TMEM231: variants seen among roughly 807,000 people sequenced by gnomAD.
TMEM231 encodes transmembrane protein 231.
A neutral mutation model predicts 38.5 loss-of-function variants in TMEM231; 40 were observed. The ratio of observed to expected loss-of-function variants is 1.04; its 90% confidence interval spans 0.81 to 1.35. TMEM231 has a LOEUF of 1.35. Ranked by LOEUF, TMEM231 falls within the 40% of genes most tolerant of loss-of-function variation. The pLI is 0.00. For synonymous variants in TMEM231, 199 were observed against 181.7 expected (o/e 1.10, Z -0.77); for missense variants, 420 against 416.9 (o/e 1.01, Z -0.07).
chr16:75,541,133 C>A (rs917418692), intron 6 of TMEM231, among the ~76,000 whole-genome samples: 1 of 151,944 alleles, frequency 6.6e-6, no homozygotes, highest in Non-Finnish European at 1.5e-5. Context: ...CCTGCCTCGG[C>A]ATCCCAAGTA....
At chr16:75,540,262 G>GT in intron 6 of TMEM231, 88 bp from the exon 7 acceptor site, 1 of 1,350,248 alleles carries the variant, frequency 7.4e-7, no homozygotes, top group Non-Finnish European at 1.0e-6. Context: ...GAGGTATCTC[G>GT]AAAGGAGGCA....
intron 5 of TMEM231, 27 bp from the exon 6 acceptor site, chr16:75,541,482 CACGATGG>C: frequency 6.7e-7 from 1 of 1,497,514 alleles, no homozygotes; most frequent in South Asian, 1.2e-5. Context: ...AACCATTAAC[CACGATGG>C]CTGTTTGACT....
chr16:75,544,833 T>C (rs187482388), intron 4 of TMEM231, among the ~76,000 whole-genome samples: 1 of 152,222 alleles, frequency 6.6e-6, no homozygotes, highest in Non-Finnish European at 1.5e-5. Context: ...CCCTTCTAGG[T>C]GTAACTATGC....
chr16:75,544,949 C>CTTCTTTTTTTTTTTTTT (rs2080666559), intron 4 of TMEM231, among the ~76,000 whole-genome samples: 4 of 89,620 alleles, frequency 4.5e-5, no homozygotes, highest in Non-Finnish European at 4.8e-5. Flanking sequence ...TTTTCTTTTT[C>CTTCTTTTTTTTTTTTTT]TTTTTTTTTT....
In TMEM231 at chr16:75,545,506, T is replaced by C. The variant is rs754174079; in HGVS notation, c.439-11A>G. 5 of 1,524,510 alleles carry C rather than the reference T, an allele frequency of 3.3e-6. No homozygotes were observed. The highest frequency in any genetic ancestry group is 1.9e-5 in the Admixed American group (1 of 51,690). The allele number at this position is 1,524,510 out of a possible 1,614,324, so 94.4% of individuals were successfully genotyped here. On this transcript the variant is annotated splice_polypyrimidine_tract_variant and intron_variant, in intron 3 of 6. Coordinates refer to ENST00000258173, the MANE Select transcript of TMEM231 (RefSeq NM_001077418.3). ...GAGGGTCGCCATCCTCTGAAATCAT[T>C]AGAAGGACCAACAATACCAACCGCC...
intron 2 of TMEM231, among the ~76,000 whole-genome samples, chr16:75,547,968 C>T (rs369203213): frequency 6.6e-6 from 1 of 152,134 alleles, no homozygotes; most frequent in Non-Finnish European, 1.5e-5. Context: ...CAGGAGACAA[C>T]TGCCAGAAGA....
intron 6 of TMEM231, among the ~76,000 whole-genome samples, chr16:75,540,497 C>T (rs1014220787): frequency 2.0e-5 from 3 of 152,210 alleles, no homozygotes; most frequent in Admixed American, 6.5e-5. Context: ...ACTTGGAACA[C>T]CCTTAGCCCC....
At chr16:75,547,479 T>G (rs2080706700) in intron 2 of TMEM231, among the ~76,000 whole-genome samples, 1 of 152,212 alleles carries the variant, frequency 6.6e-6, no homozygotes, top group South Asian at 2.1e-4. Flanking sequence ...GGATATCTGC[T>G]ACCAGGGCTG....
chr16:75,542,462 C>T (rs1029999927), intron 5 of TMEM231, 140 bp downstream of exon 5: 32 of 798,016 alleles, frequency 4.0e-5, no homozygotes, highest in Non-Finnish European at 6.8e-5. Context: ...AAATCCTGGA[C>T]AGCATATTTG....
chr16:75,543,461 T>G (rs1394751445), intron 4 of TMEM231, among the ~76,000 whole-genome samples: 1 of 152,022 alleles, frequency 6.6e-6, no homozygotes, highest in Non-Finnish European at 1.5e-5. Context: ...TCCCAGCTAT[T>G]CAGGAGGCTG....
chr16:75,540,035 C>G lies in TMEM231; in HGVS notation c.910G>C (p.Val304Leu). The G allele has an allele frequency of 1.2e-6, 2 of 1,613,594 alleles. No homozygotes were observed. The highest frequency in any genetic ancestry group is 1.7e-6 in the Non-Finnish European group (2 of 1,179,666). ...NQVVTTIPVT[V>L]TPRGDLCKEH... ...TTACACAAGTCTCCCCGGGGCGTCA[C>G]TGTCACAGGAATGGTGGTCACCACC... Residue 304 changes from valine to leucine, a missense_variant, in exon 7 of 7, where the codon GTG becomes CTG. By Grantham distance (32) the Val-to-Leu change is conservative (BLOSUM62 1). Transcript: ENST00000258173.
chr16:75,552,217 G>A (rs2080770860), intron 2 of TMEM231, among the ~76,000 whole-genome samples: 1 of 152,160 alleles, frequency 6.6e-6, no homozygotes, highest in Non-Finnish European at 1.5e-5. Flanking sequence ...ACTTTGGGAG[G>A]CCGAGGCAGG....
At chr16:75,542,509 C>T (rs1283343422) in intron 5 of TMEM231, 93 bp downstream of exon 5, 1 of 1,087,786 alleles carries the variant, frequency 9.2e-7, no homozygotes, top group Non-Finnish European at 1.4e-6. Flanking sequence ...TTGACATTTT[C>T]ATCACAAGGG....
At chr16:75,553,440 G>A (rs1257146900) in intron 2 of TMEM231, among the ~76,000 whole-genome samples, 1 of 151,850 alleles carries the variant, frequency 6.6e-6, no homozygotes, top group Admixed American at 6.6e-5. Flanking sequence ...CCAACATGGT[G>A]AAACCCTGTT....
chr16:75,546,180 G>A (rs2080688762), intron 2 of TMEM231: 9 of 1,377,854 alleles, frequency 6.5e-6, no homozygotes, highest in Non-Finnish European at 2.0e-6. Context: ...ATGTTCACTG[G>A]CCAAAATAAA....
chr16:75,539,805 C>G lies in TMEM231; in HGVS notation c.*189G>C, dbSNP rs1253415838. ...CTCAGACCTTTCCACAAACTAGTCCCTGACAATTCTGCAGGAGCTCTGAAG... is the reference window on the plus strand; with the variant it reads ...CTCAGACCTTTCCACAAACTAGTCCGTGACAATTCTGCAGGAGCTCTGAAG... On this transcript the variant is annotated 3_prime_UTR_variant, in exon 7 of 7. Transcript: ENST00000258173. 1.9e-5 allele frequency: 9 copies of G among 466,930 alleles called. No homozygotes were observed. 28.9% of individuals were successfully genotyped at this position (466,930 alleles called of 1,614,324 possible).
At chr16:75,546,084 G>A (rs991195587) in intron 2 of TMEM231, 130 bp from the exon 3 acceptor site, 29 of 1,546,272 alleles carry the variant, frequency 1.9e-5, no homozygotes, top group African/African-American at 8.2e-5. Context: ...TCCACTAAAA[G>A]AGAAAAGCAG....
At position 75,556,141 on chromosome 16, in the gene TMEM231, G is replaced by T; in HGVS notation, c.69C>A (p.Ala23=). Residue 23 remains alanine, a synonymous_variant, in exon 1 of 7, where the codon GCC becomes GCA. Coordinates refer to ENST00000258173, the MANE Select transcript of TMEM231 (RefSeq NM_001077418.3). The stretch of plus-strand genomic sequence containing the variant: ...CAGCGGCCAGCAGCAGGAACAGCGC[G>T]GCTTTGGAGCAGAGCCCCGCGCGGT... ...RSYRAGLCSK[A]ALFLLLAAAL... 6.3e-7 allele frequency: 1 copy of T among 1,579,456 alleles called. No homozygotes were observed. The highest frequency in any genetic ancestry group is 8.6e-7 in the Non-Finnish European group (1 of 1,165,112).
At chr16:75,546,160 G>A (rs2080688498) in intron 2 of TMEM231, 5 of 1,492,838 alleles carry the variant, frequency 3.3e-6, no homozygotes, top group Middle Eastern at 1.7e-4. Flanking sequence ...TTCATATCTG[G>A]GCCTTTCAAA....
Sources: allele counts gnomAD v4.1 joint callset (sites outside exome capture counted in the v4.1 genomes callset), GRCh38; gene constraint gnomAD v4.1.1; transcripts MANE v1.5; gene names NCBI Gene and HGNC (gene_info 2026-07-23, HGNC 2026-07-21).